The following EYA1 variants were observed in gnomAD, a reference collection of about 807,000 sequenced individuals.
EYA1 encodes the protein EYA transcriptional coactivator and phosphatase 1, also known as protein phosphatase EYA1.
EYA1 carries 16 observed loss-of-function variants against 82.0 expected under a neutral mutation model. That is an observed-to-expected ratio of 0.20 (90% CI 0.13 to 0.30). The LOEUF is 0.30. EYA1 is among the 10% of genes least tolerant of loss of function. EYA1 has a pLI of 1.00. For synonymous variants in EYA1, 261 were observed against 264.4 expected (o/e 0.99, Z 0.12); for missense variants, 633 against 730.7 (o/e 0.87, Z 1.54).
In EYA1 at chr8:71,401,728, G is replaced by A. The variant is rs193008356; in HGVS notation, c.34-45217C>T. Among the ~76,000 whole-genome samples the A allele has an allele frequency of 7.9e-5, 12 of 152,260 alleles. No individual in the cohort carries two copies. The South Asian group carries it at 2.1e-3, about 26-fold the overall frequency. On this transcript the variant is annotated intron_variant, in intron 2 of 18. Transcript: ENST00000643681. ...TATCCTAAAGTTGGAGACCCTCTAC[G>A]TAAAAGGGCTTAGAAGCTCCGCTTG...
intron 9 of EYA1, among the ~76,000 whole-genome samples, chr8:71,289,225 C>T (rs763698831): frequency 6.6e-6 from 1 of 152,190 alleles, no homozygotes; most frequent in East Asian, 1.9e-4. Context: ...AGGGGAAGCA[C>T]GGAGTGAACT....
chr8:71,531,939 A>G (rs577981279), intron 2 of EYA1, among the ~76,000 whole-genome samples: 1 of 152,320 alleles, frequency 6.6e-6, no homozygotes, highest in Non-Finnish European at 1.5e-5. Context: ...AGAATTAGAA[A>G]GGTGGACTTT....
intron 2 of EYA1, among the ~76,000 whole-genome samples, chr8:71,462,575 A>G (rs543422305): frequency 6.6e-6 from 1 of 152,148 alleles, no homozygotes; most frequent in Non-Finnish European, 1.5e-5. Flanking sequence ...GCCCAGCCCT[A>G]GTGACCCCCA....
rs1372848881 is a variant in EYA1, at chr8:71,352,791, TAA to T, written c.124+1989_124+1990del. 3.9e-4 allele frequency among the ~76,000 whole-genome samples: 60 copies of T among 152,308 alleles called. 1 individual carries two copies. The highest frequency in any genetic ancestry group is 1.4e-3 in the African/African-American group (57 of 41,570). The stretch of plus-strand genomic sequence containing the variant: ...GAATGTGATATCAAGCTATAAAAAG[TAA>T]ATATTCAGAAATATATTATTACTCC... On this transcript the variant is annotated intron_variant, in intron 3 of 17. Transcript: ENST00000340726.
intron 11 of EYA1, among the ~76,000 whole-genome samples, chr8:71,246,170 A>G (rs1348402075): frequency 6.6e-6 from 1 of 152,230 alleles, no homozygotes; most frequent in Non-Finnish European, 1.5e-5. Flanking sequence ...CATTCTATTA[A>G]TAATACCAAC....
chr8:71,400,777 T>C (rs532243191), intron 2 of EYA1, among the ~76,000 whole-genome samples: 25 of 152,280 alleles, frequency 1.6e-4, no homozygotes, highest in African/African-American at 5.8e-4. Context: ...CTATCAATCC[T>C]ATTACTGGGT....
At chr8:71,317,465 A>G in intron 7 of EYA1, 87 bp downstream of exon 7, 1 of 1,387,482 alleles carries the variant, frequency 7.2e-7, no homozygotes, top group Non-Finnish European at 1.0e-6. Flanking sequence ...ATCATCATTT[A>G]CTATTTACAT....
chr8:71,266,010 CTT>C (rs988178627), intron 11 of EYA1, among the ~76,000 whole-genome samples: 1 of 152,206 alleles, frequency 6.6e-6, no homozygotes, highest in Admixed American at 6.5e-5. Flanking sequence ...CATTCTCAAA[CTT>C]TTTTTTGGTA....
intron 3 of EYA1, among the ~76,000 whole-genome samples, chr8:71,345,300 C>T (rs150557001): frequency 4.6e-5 from 7 of 152,222 alleles, no homozygotes; most frequent in African/African-American, 1.7e-4. Context: ...TGAGCATTTT[C>T]GAGGAGTCAG....
intron 2 of EYA1, among the ~76,000 whole-genome samples, chr8:71,417,591 TA>T (rs1386040516): frequency 3.3e-5 from 5 of 152,196 alleles, no homozygotes; most frequent in Non-Finnish European, 7.3e-5. Flanking sequence ...ATTTACATTA[TA>T]AAAAACACAG....
intron 1 of EYA1, chr8:71,356,745 G>A: frequency 8.2e-7 from 1 of 1,212,572 alleles, no homozygotes; most frequent in Non-Finnish European, 1.0e-6. Flanking sequence ...GCAGCCAAAT[G>A]ACGTGATAGT....
intron 9 of EYA1, among the ~76,000 whole-genome samples, chr8:71,288,737 ATGCT>A (rs1818671038): frequency 1.3e-5 from 2 of 152,250 alleles, no homozygotes; most frequent in African/African-American, 4.8e-5. Flanking sequence ...AAACCAATTC[ATGCT>A]TACCTAATCA....
chr8:71,270,986 C>T (rs2128950152), intron 10 of EYA1, among the ~76,000 whole-genome samples: 1 of 152,198 alleles, frequency 6.6e-6, no homozygotes, highest in East Asian at 1.9e-4. Context: ...GGCTTGGTGC[C>T]TGTAGTCCCA....
At chr8:71,218,565 A>G (rs111983486) in intron 12 of EYA1, among the ~76,000 whole-genome samples, 166 of 152,254 alleles carry the variant, frequency 1.1e-3, no homozygotes, top group African/African-American at 3.8e-3. Flanking sequence ...TGAGGTCCAT[A>G]ACCTCAGATA....
chr8:71,432,241 A>T (rs1805676111), intron 2 of EYA1, among the ~76,000 whole-genome samples: 1 of 152,184 alleles, frequency 6.6e-6, no homozygotes, highest in African/African-American at 2.4e-5. Flanking sequence ...CAAGGATGTA[A>T]AGGGTCACAA....
chr8:71,494,590 G>T (rs1811272474), intron 2 of EYA1, among the ~76,000 whole-genome samples: 2 of 152,090 alleles, frequency 1.3e-5, no homozygotes. Context: ...GCCAATAACT[G>T]CAGTTACCAT....
intron 11 of EYA1, among the ~76,000 whole-genome samples, chr8:71,263,291 C>G (rs1222896615): frequency 1.3e-5 from 2 of 152,132 alleles, no homozygotes; most frequent in African/African-American, 4.8e-5. Flanking sequence ...CTGCCCCTGC[C>G]TCCACCCCCT....
At chr8:71,220,867 G>A (rs1005814130) in intron 12 of EYA1, among the ~76,000 whole-genome samples, 12 of 152,162 alleles carry the variant, frequency 7.9e-5, no homozygotes, top group African/African-American at 2.9e-4. Context: ...GAGGGCAGAG[G>A]AGGAGAAGAG....
At chr8:71,421,414 C>T (rs116370059) in intron 2 of EYA1, among the ~76,000 whole-genome samples, 1 of 152,178 alleles carries the variant, frequency 6.6e-6, no homozygotes, top group African/African-American at 2.4e-5. Flanking sequence ...GGCCATCCAA[C>T]TGTTTAATGA....
Sources: allele counts gnomAD v4.1 joint callset (sites outside exome capture counted in the v4.1 genomes callset), GRCh38; gene constraint gnomAD v4.1.1; transcripts MANE v1.5; gene names NCBI Gene and HGNC (gene_info 2026-07-23, HGNC 2026-07-21).